HDAC4: variants seen among roughly 807,000 people sequenced by gnomAD.
HDAC4 encodes the protein histone deacetylase 4.
HDAC4 carries 16 observed loss-of-function variants against 135.1 expected under a neutral mutation model. The observed-to-expected ratio is 0.12, with a 90% CI of 0.08 to 0.18. The LOEUF is 0.18. Among genes scored for constraint, HDAC4 ranks in the 10% least tolerant of loss-of-function variants. The pLI is 1.00. For synonymous variants in HDAC4, 685 were observed against 653.4 expected, an observed-to-expected ratio of 1.05 and a Z score of -0.74; for missense variants, 1,143 against 1,511.8, an observed-to-expected ratio of 0.76 and a Z score of 4.05.
intron 17 of HDAC4, chr2:239,094,514 G>A (rs938196944): frequency 1.9e-6 from 2 of 1,038,736 alleles, no homozygotes; most frequent in African/African-American, 3.4e-5. Context: ...GCCCAGGCCA[G>A]GTCCATATCA....
intron 1 of HDAC4, among the ~76,000 whole-genome samples, chr2:239,383,585 G>A (rs1009394828): frequency 1.3e-5 from 2 of 151,928 alleles, no homozygotes; most frequent in Non-Finnish European, 2.9e-5. Flanking sequence ...GAAGCAGTTA[G>A]TTTTGCAAAC....
chr2:239,371,301 A>G (rs943919587), intron 1 of HDAC4, among the ~76,000 whole-genome samples: 10 of 152,094 alleles, frequency 6.6e-5, no homozygotes, highest in Admixed American at 2.6e-4. Context: ...ATACACTCAC[A>G]CACACTCTCA....
At chr2:239,301,934 G>A (rs535620792) in intron 2 of HDAC4, among the ~76,000 whole-genome samples, 4 of 152,116 alleles carry the variant, frequency 2.6e-5, no homozygotes, top group African/African-American at 9.6e-5. Context: ...TTACGCCTAA[G>A]ACTGATGGTA....
intron 3 of HDAC4, among the ~76,000 whole-genome samples, chr2:239,218,034 G>A (rs1293662184): frequency 6.6e-6 from 1 of 152,170 alleles, no homozygotes; most frequent in Non-Finnish European, 1.5e-5. Flanking sequence ...AGAGGCTGCA[G>A]TGAGCCATGA....
At chr2:239,096,017 C>T (rs531148445) in intron 16 of HDAC4, among the ~76,000 whole-genome samples, 1 of 152,264 alleles carries the variant, frequency 6.6e-6, no homozygotes, top group Admixed American at 6.5e-5. Flanking sequence ...GGGCTGTACC[C>T]CCCGCTGTGG....
chr2:239,394,051 G>A (rs1326104598), intron 1 of HDAC4, among the ~76,000 whole-genome samples: 2 of 121,742 alleles, frequency 1.6e-5, no homozygotes, highest in Admixed American at 1.1e-4. Context: ...AAAAAGAACC[G>A]CTCCAGCAAA....
chr2:239,076,772 C>T (rs1324985905), intron 22 of HDAC4, among the ~76,000 whole-genome samples: 1 of 152,218 alleles, frequency 6.6e-6, no homozygotes, highest in African/African-American at 2.4e-5. Context: ...TGCTCCCAAC[C>T]ACCCACTTGG....
chr2:239,120,412 C>CAGACACAG (rs1553622898), intron 12 of HDAC4, among the ~76,000 whole-genome samples: 8 of 139,892 alleles, frequency 5.7e-5, no homozygotes, highest in South Asian at 2.7e-4. Flanking sequence ...GACACACACA[C>CAGACACAG]ACAGACACAG....
At chr2:239,154,817 C>T (rs922827321) in intron 7 of HDAC4, 2 of 152,228 alleles carry the variant, frequency 1.3e-5, no homozygotes, top group Non-Finnish European at 2.9e-5. Flanking sequence ...AAATCCAGGA[C>T]CATTCTCAGT....
chr2:239,236,792 G>A (rs2047913435), intron 2 of HDAC4, 128 bp from the exon 3 acceptor site: 1 of 739,680 alleles, frequency 1.4e-6, no homozygotes, highest in South Asian at 1.5e-5. Context: ...CTTTTACAGG[G>A]GGACACTTTC....
chr2:239,368,558 G>A (rs528882757), intron 1 of HDAC4, among the ~76,000 whole-genome samples: 1 of 152,240 alleles, frequency 6.6e-6, no homozygotes, highest in East Asian at 1.9e-4. Flanking sequence ...TTCTCCATTG[G>A]GGGATAACAG....
At chr2:239,266,878 C>T (rs1300570485) in intron 2 of HDAC4, among the ~76,000 whole-genome samples, 5 of 152,164 alleles carry the variant, frequency 3.3e-5, no homozygotes, top group Admixed American at 3.3e-4. Context: ...GTGCTGTGGC[C>T]TTCCCCAGGG....
chr2:239,098,328 T>C (rs1355226706), intron 16 of HDAC4, among the ~76,000 whole-genome samples: 1 of 152,238 alleles, frequency 6.6e-6, no homozygotes, highest in Admixed American at 6.5e-5. Flanking sequence ...ACTTGTCTGT[T>C]TGCCGCGGGC....
intron 2 of HDAC4, among the ~76,000 whole-genome samples, chr2:239,279,656 C>T (rs13406073): frequency 0.031 from 4,726 of 152,236 alleles, 244 homozygotes; most frequent in African/African-American, 0.11. Context: ...CTCACACAGC[C>T]CCCACAGTGC....
intron 2 of HDAC4, among the ~76,000 whole-genome samples, chr2:239,338,999 T>C (rs1156382975): frequency 6.6e-6 from 1 of 152,282 alleles, no homozygotes; most frequent in Non-Finnish European, 1.5e-5. Context: ...GCAGAGGTCA[T>C]CTGTATTTAA....
At chr2:239,205,152 C>T (rs1425323328) in intron 3 of HDAC4, among the ~76,000 whole-genome samples, 1 of 152,214 alleles carries the variant, frequency 6.6e-6, no homozygotes, top group Non-Finnish European at 1.5e-5. Flanking sequence ...AGAGTCTGTA[C>T]TCTGAGCTGC....
chr2:239,121,447 G>C (rs554360660), intron 12 of HDAC4, among the ~76,000 whole-genome samples: 1 of 152,198 alleles, frequency 6.6e-6, no homozygotes, highest in African/African-American at 2.4e-5. Flanking sequence ...CGGCAGCCGC[G>C]TCTACCGTGC....
At chr2:239,316,475 G>A (rs2053118535) in intron 2 of HDAC4, among the ~76,000 whole-genome samples, 1 of 152,184 alleles carries the variant, frequency 6.6e-6, no homozygotes, top group Admixed American at 6.5e-5. Context: ...AGGCATGGTA[G>A]CACGGGCCTG....
intron 24 of HDAC4, among the ~76,000 whole-genome samples, chr2:239,058,296 C>T (rs2032179239): frequency 6.6e-6 from 1 of 152,162 alleles, no homozygotes; most frequent in Non-Finnish European, 1.5e-5. Context: ...CCCTCAATTA[C>T]CCCAAGAGAA....
Sources: gnomAD v4.1 joint callset for allele counts (sites outside exome capture counted in the v4.1 genomes callset) on GRCh38, gnomAD v4.1.1 for gene constraint, MANE v1.5 for transcripts, NCBI Gene and HGNC (gene_info 2026-07-23, HGNC 2026-07-21) for gene names.